Variants in PCLO observed in about 807,000 individuals in gnomAD.
PCLO encodes protein piccolo.
PCLO carries 82 observed loss-of-function variants against 427.5 expected under a neutral mutation model. That is an observed-to-expected ratio of 0.19 (90% CI 0.16 to 0.23). The LOEUF is 0.23. Ranked by LOEUF, PCLO falls within the 10% of genes least tolerant of loss-of-function variation. The pLI, the probability that PCLO is intolerant of heterozygous loss-of-function variation, is 1.00. For missense variants in PCLO, 6,239 were observed against 6,115.9 expected (o/e 1.02, Z -0.67); for synonymous variants, 2,357 against 2,155.4 (o/e 1.09, Z -2.59).
chr7:82,965,316 C>CT (rs544516132), intron 4 of PCLO, among the ~76,000 whole-genome samples: 2,347 of 122,956 alleles, frequency 0.019, 47 homozygotes, highest in African/African-American at 0.063. Context: ...TTCTTTCTTT[C>CT]TTTTTTTTTT....
At chr7:83,105,102 A>T (rs558147702) in intron 3 of PCLO, among the ~76,000 whole-genome samples, 64 of 152,296 alleles carry the variant, frequency 4.2e-4, no homozygotes, top group Admixed American at 3.6e-3. Flanking sequence ...CTTGAATATA[A>T]AATATAGGAC....
chr7:83,014,828 A>C (rs1788167601), intron 3 of PCLO, among the ~76,000 whole-genome samples: 1 of 152,168 alleles, frequency 6.6e-6, no homozygotes, highest in South Asian at 2.1e-4. Context: ...TTGGATTGCC[A>C]CAGAGCTTCC....
In PCLO at chr7:83,022,373, T is replaced by C. The variant is rs573434732; in HGVS notation, c.3301-55886A>G. On this transcript the variant is annotated intron_variant, in intron 3 of 24. Transcript: ENST00000333891. ...AAACAGTATATAAAATAATTATTTG[T>C]AAATTGTATTTGCAAAATTTAGTTC... 2.2e-4 allele frequency among the ~76,000 whole-genome samples: 33 copies of C among 152,328 alleles called. 1 individual carries two copies. The South Asian group carries it at 6.6e-3, about 31-fold the overall frequency.
At chr7:82,904,926 T>C (rs1020220023) in intron 8 of PCLO, among the ~76,000 whole-genome samples, 5 of 152,078 alleles carry the variant, frequency 3.3e-5, no homozygotes, top group Admixed American at 6.6e-5. Flanking sequence ...AAAGCTGCCA[T>C]AATTATGATC....
intron 3 of PCLO, among the ~76,000 whole-genome samples, chr7:83,111,275 T>G (rs1220104648): frequency 6.6e-6 from 1 of 152,232 alleles, no homozygotes; most frequent in Non-Finnish European, 1.5e-5. Context: ...CCTTCTGGAA[T>G]ACACACCTTG....
chr7:83,054,467 T>C (rs1470228267), intron 3 of PCLO, among the ~76,000 whole-genome samples: 1 of 152,058 alleles, frequency 6.6e-6, no homozygotes, highest in Non-Finnish European at 1.5e-5. Flanking sequence ...GTTTGAATAT[T>C]TGCGTAATTA....
intron 9 of PCLO, among the ~76,000 whole-genome samples, chr7:82,881,272 C>G (rs1441135274): frequency 6.6e-6 from 1 of 152,102 alleles, no homozygotes; most frequent in African/African-American, 2.4e-5. Context: ...GAAGGACTTA[C>G]AAAAATTGGT....
chr7:83,085,399 C>T (rs1790206436), intron 3 of PCLO, among the ~76,000 whole-genome samples: 1 of 152,108 alleles, frequency 6.6e-6, no homozygotes, highest in Admixed American at 6.6e-5. Context: ...AACTGAGGCA[C>T]ATTGGAGGAG....
At chr7:82,803,663 A>C (rs1376579324) in intron 21 of PCLO, among the ~76,000 whole-genome samples, 1 of 123,904 alleles carries the variant, frequency 8.1e-6, no homozygotes, top group Non-Finnish European at 1.8e-5. Flanking sequence ...AGCTCAGAAC[A>C]TTCTGGCTAT....
intron 14 of PCLO, among the ~76,000 whole-genome samples, chr7:82,838,846 C>T (rs1040338177): frequency 2.6e-5 from 4 of 151,874 alleles, no homozygotes; most frequent in African/African-American, 7.2e-5. Flanking sequence ...CAGATTATTA[C>T]TTTTTAATGT....
chr7:82,891,373 G>T (rs1793761327), intron 9 of PCLO, among the ~76,000 whole-genome samples: 1 of 152,066 alleles, frequency 6.6e-6, no homozygotes, highest in Non-Finnish European at 1.5e-5. Context: ...TGTGATTTTT[G>T]CACACTGATT....
intron 21 of PCLO, among the ~76,000 whole-genome samples, chr7:82,803,242 A>G (rs10808301): frequency 0.85 from 128,571 of 152,042 alleles, 54,448 homozygotes; most frequent in East Asian, 0.93. Context: ...GGTAGAGTGA[A>G]CCAAAACATA....
rs766461119 is a variant in PCLO, at chr7:83,089,949, A to G, written c.3300+44301T>C. On this transcript the variant is annotated intron_variant, in intron 3 of 24. Coordinates refer to ENST00000333891, the MANE Select transcript of PCLO (RefSeq NM_033026.6). ...TTCCGTTTATATAAAATTTGCAACT[A>G]ATTTTCCCAAATTAACATAGGATGT... Among the ~76,000 whole-genome samples the G allele has an allele frequency of 1.7e-4, 26 of 152,168 alleles. 1 individual carries two copies. The highest frequency in any genetic ancestry group is 2.6e-4 in the Admixed American group (4 of 15,266).
Position 82,954,628 on chromosome 7 carries a change from T to G in PCLO, c.6325A>C (p.Ser2109Arg). ...DRMPDASLTS[S>R]VLSGASLTDS... is the part of the protein sequence containing the mutation. ...GTAAGAGACGCTCCTGAGAGAACAC[T>G]TGATGTCAAAGAGGCATCTGGCATT... Residue 2109 changes from serine (S) to arginine (R), a missense_variant, in exon 5 of 25, where the codon AGT (serine) becomes CGT (arginine). Coordinates refer to ENST00000333891, the MANE Select transcript of PCLO (RefSeq NM_033026.6). 6.2e-7 allele frequency: 1 copy of G among 1,613,948 alleles called. No homozygotes were observed. Among genetic ancestry groups the G allele is most frequent in the Non-Finnish European group, 8.5e-7 (1 of 1,179,852 alleles).
intron 8 of PCLO, 22 bp from the exon 9 acceptor site, chr7:82,902,763 G>A: frequency 7.0e-6 from 9 of 1,294,724 alleles, no homozygotes; most frequent in Non-Finnish European, 1.0e-5. Context: ...ATGTAGTAAG[G>A]TAAAAAACCA....
Position 82,952,398 on chromosome 7 carries a change from G to A in PCLO, c.8555C>T (p.Pro2852Leu), listed in dbSNP as rs1271288757. The A allele has an allele frequency of 1.2e-6, 2 of 1,613,718 alleles. No individual in the cohort carries two copies. The highest frequency in any genetic ancestry group is 1.7e-5 in the Admixed American group (1 of 59,996). The change falls in exon 5 of 25, where the codon CCA (proline) becomes CTA (leucine). Residue 2852 changes from proline to leucine, a missense_variant. This residue lies in a region of PCLO where 4,677 missense variants were observed against 4,468.4 expected (regional missense o/e 1.05). Coordinates refer to ENST00000333891, the MANE Select transcript of PCLO (RefSeq NM_033026.6). Reference sequence around the variant, plus strand: ...TGGAGTACCTAGAGATAAGTTTATTGGTGCTTCTTCCCTAGCTATAGGAAA... The same window carrying A: ...TGGAGTACCTAGAGATAAGTTTATTAGTGCTTCTTCCCTAGCTATAGGAAA... ...QVFPIAREEA[P>L]INLSLGTPAH...
At chr7:82,925,477 C>T (rs1794691193) in intron 6 of PCLO, among the ~76,000 whole-genome samples, 1 of 152,072 alleles carries the variant, frequency 6.6e-6, no homozygotes, top group Non-Finnish European at 1.5e-5. Context: ...AACAGCAATA[C>T]ACCTTCTAGG....
chr7:82,879,117 C>G (rs1465566225), intron 10 of PCLO, among the ~76,000 whole-genome samples: 4 of 152,054 alleles, frequency 2.6e-5, no homozygotes, highest in Admixed American at 6.6e-5. Context: ...AAACAAGATA[C>G]TTCTGTAGCC....
chr7:83,060,913 C>T (rs1210902459), intron 3 of PCLO, among the ~76,000 whole-genome samples: 1 of 152,140 alleles, frequency 6.6e-6, no homozygotes, highest in Non-Finnish European at 1.5e-5. Context: ...AACTACTCGT[C>T]CATAAAGTTT....
Sources: gnomAD v4.1 joint callset for allele counts (sites outside exome capture counted in the v4.1 genomes callset) on GRCh38, gnomAD v4.1.1 for gene constraint, gnomAD v4.1.1 regional missense constraint, MANE v1.5 for transcripts, NCBI Gene and HGNC (gene_info 2026-07-23, HGNC 2026-07-21) for gene names.